The following FOXK1 variants were observed in gnomAD, a reference collection of about 807,000 sequenced individuals.
FOXK1 encodes forkhead box K1.
A neutral mutation model predicts 51.9 loss-of-function variants in FOXK1; 19 were observed. The ratio of observed to expected loss-of-function variants is 0.37; its 90% CI spans 0.26 to 0.54. The LOEUF is 0.54. Ranked by LOEUF, FOXK1 falls within the 20% of genes least tolerant of loss-of-function variation. The pLI is 0.87. For synonymous variants in FOXK1, 537 were observed against 482.6 expected (o/e 1.11, Z -1.48); for missense variants, 870 against 1,032.7 (o/e 0.84, Z 2.16).
chr7:4,721,866 C>G (rs999924935), intron 1 of FOXK1, among the ~76,000 whole-genome samples: 3 of 152,210 alleles, frequency 2.0e-5, no homozygotes, highest in Non-Finnish European at 4.4e-5. Flanking sequence ...GCTGAGATTA[C>G]AGGCGTGAGC....
intron 1 of FOXK1, among the ~76,000 whole-genome samples, chr7:4,686,954 A>G (rs1221571164): frequency 2.8e-5 from 4 of 144,532 alleles, no homozygotes; most frequent in South Asian, 2.1e-4. Context: ...TTTTTTTGAG[A>G]CAGAGTCTTG....
rs748696009 is a variant in FOXK1, at chr7:4,753,784, G to A, written c.747-675G>A. On this transcript the variant is annotated intron_variant, in intron 2 of 8. Transcript: ENST00000328914. The surrounding 1 kb of genome is among the most constrained non-coding windows in gnomAD (Gnocchi z 4.9). ...GACGCAGCCTCCTGCCTGTGGTCCC[G>A]GCCTCAACCCAGAGCCTCACCTGCA... is the stretch of plus-strand genomic sequence containing the variant. 2.8e-4 allele frequency among the ~76,000 whole-genome samples: 42 copies of A among 152,160 alleles called. No homozygotes were observed. The highest frequency in any genetic ancestry group is 5.4e-4 in the Non-Finnish European group (37 of 68,022).
intron 1 of FOXK1, among the ~76,000 whole-genome samples, chr7:4,694,209 T>G (rs993306028): frequency 7.9e-5 from 12 of 152,308 alleles, no homozygotes; most frequent in African/African-American, 2.9e-4. Context: ...ATGGAGACAT[T>G]GTTGTGTGGG....
At chr7:4,708,681 T>A (rs889813203) in intron 1 of FOXK1, among the ~76,000 whole-genome samples, 6 of 152,332 alleles carry the variant, frequency 3.9e-5, no homozygotes, top group Non-Finnish European at 1.5e-5. Flanking sequence ...GTTCCCTTCC[T>A]GGGGCTCCCA....
At position 4,743,617 on chromosome 7, in the gene FOXK1, G is replaced by A. The variant is rs1318785134; in HGVS notation, c.746+2594G>A. Among the ~76,000 whole-genome samples, 1 of 152,208 alleles carries A rather than the reference G, an allele frequency of 6.6e-6. No homozygotes were observed. Among genetic ancestry groups the A allele is most frequent in the Admixed American group, 6.5e-5 (1 of 15,278 alleles). ...CATCTGAAGAAAGCAGTTGAGCGCA[G>A]TATATGTACTTAAGTCTTCACCTAG... On this transcript the variant is annotated intron_variant, in intron 2 of 8. Coordinates refer to ENST00000328914, the MANE Select transcript of FOXK1 (RefSeq NM_001037165.2). The surrounding 1 kb of genome is among the most constrained non-coding windows in gnomAD (Gnocchi z 5.3).
chr7:4,705,853 T>G (rs963543772), intron 1 of FOXK1, among the ~76,000 whole-genome samples: 2 of 151,176 alleles, frequency 1.3e-5, no homozygotes, highest in Non-Finnish European at 2.9e-5. Flanking sequence ...TCATTTCTTT[T>G]TGTAGGAACC....
Position 4,755,237 on chromosome 7 carries a change from G to A in FOXK1, c.904G>A (p.Asp302Asn). 3 of 1,613,682 alleles carry A rather than the reference G, an allele frequency of 1.9e-6. No individual in the cohort carries two copies. Among genetic ancestry groups the A allele is most frequent in the Non-Finnish European group, 2.5e-6 (3 of 1,179,962 alleles). The change falls in exon 4 of 9, where the codon GAT (aspartate) becomes AAT (asparagine). Residue 302 changes from aspartate to asparagine, a missense_variant and splice_region_variant. By Grantham distance (23) the Asp-to-Asn change is conservative. Coordinates refer to ENST00000328914, the MANE Select transcript of FOXK1 (RefSeq NM_001037165.2). The surrounding 1 kb of genome is among the most constrained non-coding windows in gnomAD (Gnocchi z 6.6). ...TCCCGTGAGCCGTGTTTCTCCGCAG[G>A]ATGAGTCAAAGCCGCCGTTCTCCTA... ...ADTSGGDSPK[D>N]ESKPPFSYAQ...
At chr7:4,738,208 G>A (rs1467602422) in intron 1 of FOXK1, among the ~76,000 whole-genome samples, 2 of 149,816 alleles carry the variant, frequency 1.3e-5, no homozygotes, top group African/African-American at 4.9e-5. Context: ...AAGCCGAGGT[G>A]GTTGGGTCAC....
intron 2 of FOXK1, among the ~76,000 whole-genome samples, chr7:4,752,956 T>C (rs994860752): frequency 1.3e-5 from 2 of 152,278 alleles, no homozygotes; most frequent in Non-Finnish European, 2.9e-5. Flanking sequence ...TTTTGTATTT[T>C]GGATTCAGAA....
At position 4,755,011 on chromosome 7, in the gene FOXK1, GAATTA is replaced by G; in HGVS notation, c.904-220_904-216del. 1.7e-6 allele frequency: 1 copy of G among 587,336 alleles called. No homozygotes were observed. Among genetic ancestry groups the G allele is most frequent in the South Asian group, 2.2e-5 (1 of 44,804 alleles). 36.4% of individuals were successfully genotyped at this position (587,336 alleles called of 1,614,324 possible). On this transcript the variant is annotated intron_variant, in intron 3 of 8. Transcript: ENST00000328914. This position sits in a 1 kb window ranked among gnomAD's most constrained non-coding sequence, Gnocchi z 6.6. ...TTTCTGGAAGAGGTGAGAAATTTCA[GAATTA>G]AATTATAATAAAACCGAAGTTTTCC...
intron 2 of FOXK1, among the ~76,000 whole-genome samples, chr7:4,751,915 GGGAA>G (rs1243543808): frequency 7.5e-4 from 114 of 152,286 alleles, no homozygotes; most frequent in African/African-American, 2.2e-3. Flanking sequence ...TCATTCTCTG[GGGAA>G]TGACAACTTT....
At chr7:4,712,492 A>G (rs1441395633) in intron 1 of FOXK1, among the ~76,000 whole-genome samples, 1 of 152,170 alleles carries the variant, frequency 6.6e-6, no homozygotes, top group Non-Finnish European at 1.5e-5. Context: ...ATTTACCATC[A>G]AGGCATAAAC....
intron 2 of FOXK1, among the ~76,000 whole-genome samples, chr7:4,751,388 C>T (rs1242463406): frequency 6.6e-6 from 1 of 152,250 alleles, no homozygotes; most frequent in African/African-American, 2.4e-5. Context: ...CCGTGGACTC[C>T]CAGCATCAGA....
At chr7:4,738,977 C>G (rs893539806) in intron 1 of FOXK1, among the ~76,000 whole-genome samples, 6 of 152,066 alleles carry the variant, frequency 3.9e-5, no homozygotes, top group Admixed American at 1.3e-4. Context: ...GACCCCCTGC[C>G]GACAGCCAGG....
At position 4,756,982 on chromosome 7, in the gene FOXK1, G is replaced by T; in HGVS notation, c.1051-12G>T. The T allele has an allele frequency of 1.2e-6, 2 of 1,611,556 alleles. No homozygotes were observed. Among genetic ancestry groups the T allele is most frequent in the Non-Finnish European group, 1.7e-6 (2 of 1,179,062 alleles). ...TTGCTGGTGATGGGTGAATATCTCT[G>T]CTTCCCTGCAGAATTCTATCCGGCA... On this transcript the variant is annotated splice_polypyrimidine_tract_variant and intron_variant, in intron 4 of 8. Coordinates refer to ENST00000328914, the MANE Select transcript of FOXK1 (RefSeq NM_001037165.2). This position sits in a 1 kb window ranked among gnomAD's most constrained non-coding sequence, Gnocchi z 4.1.
At chr7:4,686,407 A>G (rs1015923687) in intron 1 of FOXK1, among the ~76,000 whole-genome samples, 1 of 152,156 alleles carries the variant, frequency 6.6e-6, no homozygotes, top group Non-Finnish European at 1.5e-5. Context: ...GTAATTCCAA[A>G]TCTTCAATAT....
At chr7:4,686,306 C>T (rs1779816745) in intron 1 of FOXK1, among the ~76,000 whole-genome samples, 1 of 152,188 alleles carries the variant, frequency 6.6e-6, no homozygotes, top group Non-Finnish European at 1.5e-5. Flanking sequence ...CCCTCTTCAC[C>T]TTGGGACAGG....
At chr7:4,754,395 C>T (rs1562390051) in intron 2 of FOXK1, 64 bp from the exon 3 acceptor site, 2 of 1,576,168 alleles carry the variant, frequency 1.3e-6, no homozygotes, top group South Asian at 2.2e-5. Flanking sequence ...GTCCTGAAGC[C>T]CTGAGCCCCA....
chr7:4,750,102 G>C (rs140255179), intron 2 of FOXK1, among the ~76,000 whole-genome samples: 1 of 152,352 alleles, frequency 6.6e-6, no homozygotes, highest in African/African-American at 2.4e-5. Flanking sequence ...AATGTGACTT[G>C]GGAATTGTCC....
Sources: allele counts gnomAD v4.1 joint callset (sites outside exome capture counted in the v4.1 genomes callset), GRCh38; gene constraint gnomAD v4.1.1; non-coding constraint Gnocchi (gnomAD v3.1); transcripts MANE v1.5; gene names NCBI Gene and HGNC (gene_info 2026-07-23, HGNC 2026-07-21).